EPHA7: variants seen among roughly 807,000 people sequenced by gnomAD.
EPHA7 encodes the protein EPH receptor A7.
EPHA7 carries 25 observed loss-of-function variants against 112.6 expected under a neutral mutation model. That is an observed-to-expected ratio of 0.22 (90% CI 0.16 to 0.31). The LOEUF is 0.31. Among genes scored for constraint, EPHA7 ranks in the 10% least tolerant of loss-of-function variants. EPHA7 has a pLI of 1.00. For missense variants in EPHA7, 962 were observed against 1,212.6 expected (o/e 0.79, Z 3.07); for synonymous variants, 437 against 406.5 (o/e 1.07, Z -0.90).
Position 93,416,876 on chromosome 6 carries a change from G to A in EPHA7, c.98-2109C>T, listed in dbSNP as rs920531635. ...AGGCTGGCGTCCCGGGGCTGGGGCG[G>A]GGCCGTCGGAGGGGCGGGGCGGGGG... On this transcript the variant is annotated intron_variant, in intron 1 of 16. Transcript: ENST00000369303. Among the ~76,000 whole-genome samples the A allele has an allele frequency of 3.9e-5, 6 of 152,052 alleles. 1 individual carries two copies. Among genetic ancestry groups the A allele is most frequent in the South Asian group, 4.1e-4 (2 of 4,828 alleles).
intron 4 of EPHA7, among the ~76,000 whole-genome samples, chr6:93,357,338 T>C (rs2127945421): frequency 6.6e-6 from 1 of 152,310 alleles, no homozygotes; most frequent in Non-Finnish European, 1.5e-5. Context: ...CCACAGTCTT[T>C]AACTATTTTT....
rs141811273 is a variant in EPHA7 at position 93,272,453 on chromosome 6, G to T, written c.1325-31C>A. 47 of 1,609,556 alleles carry T rather than the reference G, an allele frequency of 2.9e-5. No homozygotes were observed. The East Asian group carries it at 1.0e-3, about 36-fold the overall frequency. ...TGGACAAGATGTGTCAATAAACAATGAGAAAATTCACTGGATGCCTCAAAT... is the reference window on the plus strand; with the variant it reads ...TGGACAAGATGTGTCAATAAACAATTAGAAAATTCACTGGATGCCTCAAAT... On this transcript the variant is annotated intron_variant, in intron 5 of 16. Transcript: ENST00000369303.
At chr6:93,299,301 G>C (rs2127847420) in intron 5 of EPHA7, among the ~76,000 whole-genome samples, 1 of 151,366 alleles carries the variant, frequency 6.6e-6, no homozygotes, top group East Asian at 2.0e-4. Context: ...ACTCTAGCCT[G>C]GGCGACAGAG....
At position 93,257,526 on chromosome 6, in the gene EPHA7, A is replaced by G; in HGVS notation, c.2111-3T>C. On this transcript the variant is annotated splice_region_variant and splice_polypyrimidine_tract_variant and intron_variant, in intron 11 of 16. Coordinates refer to ENST00000369303, the MANE Select transcript of EPHA7 (RefSeq NM_004440.4). Reference sequence around the variant, plus strand: ...TATTACTATCATGACTGGTTTCCCTAAAATTAAAAAAAAAAAGTTTCAGGA... The same window carrying G: ...TATTACTATCATGACTGGTTTCCCTGAAATTAAAAAAAAAAAGTTTCAGGA... The G allele has an allele frequency of 6.2e-7, 1 of 1,604,636 alleles. No homozygotes were observed. The highest frequency in any genetic ancestry group is 1.1e-5 in the South Asian group (1 of 89,750).
At position 93,362,919 on chromosome 6, in the gene EPHA7, A is replaced by G. The variant is rs116767821; in HGVS notation, c.833-4508T>C. ...ATTTCTAAGGATCCCCCTTCCGACA[A>G]TCTTGTTGCTAGAAAATCCACCTAC... On this transcript the variant is annotated intron_variant, in intron 3 of 16. Coordinates refer to ENST00000369303, the MANE Select transcript of EPHA7 (RefSeq NM_004440.4). Among the ~76,000 whole-genome samples the G allele has an allele frequency of 2.2e-3, 331 of 152,220 alleles. 4 individuals are homozygous for G. Among genetic ancestry groups the G allele is most frequent in the African/African-American group, 7.7e-3 (320 of 41,548 alleles).
At chr6:93,413,304 T>C (rs1427104814) in intron 2 of EPHA7, among the ~76,000 whole-genome samples, 3 of 152,086 alleles carry the variant, frequency 2.0e-5, no homozygotes, top group Admixed American at 2.0e-4. Flanking sequence ...GTTAAGATAC[T>C]TTGGACTGAT....
chr6:93,272,524 G>C lies in EPHA7; in HGVS notation c.1325-102C>G, dbSNP rs1018723922. On this transcript the variant is annotated intron_variant, in intron 5 of 16. Coordinates refer to ENST00000369303, the MANE Select transcript of EPHA7 (RefSeq NM_004440.4). ...TCCCATGCTGTGCCAGTTTCATTAA[G>C]GTAAAAGAAAGCACCTTTTCATAGC... 6 of 1,439,846 alleles carry C rather than the reference G, an allele frequency of 4.2e-6. No homozygotes were observed. In the Admixed American group the frequency reaches 1.2e-4, roughly 28 times the overall value. The allele number at this position is 1,439,846 out of a possible 1,614,324, so 89.2% of individuals were successfully genotyped here. A position where few individuals can be genotyped will look rare whatever the true frequency, so the allele number is the denominator to read the frequency against.
chr6:93,245,520 A>G, intron 15 of EPHA7, 67 bp from the exon 16 acceptor site: 1 of 1,517,156 alleles, frequency 6.6e-7, no homozygotes, highest in South Asian at 1.2e-5. Flanking sequence ...GTTTTGGCCC[A>G]TATAAAATTA....
intron 5 of EPHA7, among the ~76,000 whole-genome samples, chr6:93,324,959 T>A (rs1291393267): frequency 1.3e-5 from 2 of 151,370 alleles, no homozygotes; most frequent in Non-Finnish European, 3.0e-5. Context: ...TTTTATTTTG[T>A]ACTTATTAAT....
At chr6:93,287,618 A>T (rs902820075) in intron 5 of EPHA7, among the ~76,000 whole-genome samples, 7 of 150,750 alleles carry the variant, frequency 4.6e-5, no homozygotes, top group Non-Finnish European at 5.9e-5. Context: ...TGTTGTACAG[A>T]TTATTTCATC....
intron 5 of EPHA7, among the ~76,000 whole-genome samples, chr6:93,354,205 C>G (rs1167286196): frequency 6.6e-6 from 1 of 152,020 alleles, no homozygotes; most frequent in African/African-American, 2.4e-5. Context: ...TAGTTTTGAA[C>G]TCGGACAAAG....
chr6:93,246,962 A>C lies in EPHA7; in HGVS notation c.2556T>G (p.Gly852=), dbSNP rs1391489781. Residue 852 remains glycine, a synonymous_variant, in exon 15 of 17, where the codon GGT becomes GGG. Coordinates refer to ENST00000369303, the MANE Select transcript of EPHA7 (RefSeq NM_004440.4). ...AGTCCATGGGTGCTGGTAAACGATA[A>C]CCTTCTTCTATTGCTTTTATAACCT... The part of the protein sequence containing the change: ...NQDVIKAIEE[G]YRLPAPMDCP... 1 of 1,596,772 alleles carries C rather than the reference A, an allele frequency of 6.3e-7. No homozygotes were observed. The highest frequency in any genetic ancestry group is 1.1e-5 in the South Asian group (1 of 89,844).
At position 93,306,923 on chromosome 6, in the gene EPHA7, C is replaced by T. The variant is rs553959200; in HGVS notation, c.1325-34501G>A. The stretch of plus-strand genomic sequence containing the variant: ...ATGAAGATGGATCAAATAAATTCTA[C>T]ATTTTAGTAGCAATTATAATTAATT... On this transcript the variant is annotated intron_variant, in intron 5 of 16. Transcript: ENST00000369303. Among the ~76,000 whole-genome samples the T allele has an allele frequency of 5.0e-3, 762 of 151,988 alleles. 10 individuals carry two copies. Among genetic ancestry groups the T allele is most frequent in the African/African-American group, 0.018 (734 of 41,516 alleles).
chr6:93,318,413 T>A (rs912836361), intron 5 of EPHA7, among the ~76,000 whole-genome samples: 5 of 152,030 alleles, frequency 3.3e-5, no homozygotes, highest in African/African-American at 7.2e-5. Flanking sequence ...ATTCATTGTA[T>A]CTAAGTGCAG....
intron 3 of EPHA7, among the ~76,000 whole-genome samples, chr6:93,385,473 C>A (rs1777552550): frequency 6.6e-6 from 1 of 151,938 alleles, no homozygotes. Flanking sequence ...GTCCAGATTG[C>A]ATTTTTTAAT....
chr6:93,299,831 G>A (rs558699940), intron 5 of EPHA7, among the ~76,000 whole-genome samples: 4 of 152,324 alleles, frequency 2.6e-5, no homozygotes, highest in Admixed American at 2.6e-4. Flanking sequence ...CAGGAACTTG[G>A]ATGGAGCTGG....
At chr6:93,254,534 T>G (rs1770351910) in intron 14 of EPHA7, 113 bp downstream of exon 14, 9 of 743,158 alleles carry the variant, frequency 1.2e-5, no homozygotes, top group Non-Finnish European at 1.8e-5. Context: ...TGTGGAAAAC[T>G]GTATTTTTAT....
chr6:93,414,741 G>C lies in EPHA7; in HGVS notation c.124C>G (p.Gln42Glu). 2 of 1,612,584 alleles carry C rather than the reference G, an allele frequency of 1.2e-6. No homozygotes were observed. The highest frequency in any genetic ancestry group is 1.7e-6 in the Non-Finnish European group (2 of 1,179,082). The change falls in exon 2 of 17, where the codon CAA becomes GAA. Residue 42 changes from glutamine to glutamate, a missense_variant. This residue lies in a region of EPHA7 where 56 missense variants were observed against 59.9 expected (regional missense o/e 0.94). Coordinates refer to ENST00000369303, the MANE Select transcript of EPHA7 (RefSeq NM_004440.4). ...EVLLLDSKAQ[Q>E]TELEWISSPP... ...GAGGAAATCCACTCCAACTCTGTTT[G>C]TTGTGCTTTAGAATCCAGCAGTAGT...
chr6:93,332,056 T>C (rs1161633754), intron 5 of EPHA7, among the ~76,000 whole-genome samples: 1 of 151,644 alleles, frequency 6.6e-6, no homozygotes, highest in Non-Finnish European at 1.5e-5. Flanking sequence ...TTCACTGATA[T>C]CACGGGAAAC....
Sources: gnomAD v4.1 joint callset for allele counts (sites outside exome capture counted in the v4.1 genomes callset) on GRCh38, gnomAD v4.1.1 for gene constraint, gnomAD v4.1.1 regional missense constraint, MANE v1.5 for transcripts, NCBI Gene and HGNC (gene_info 2026-07-23, HGNC 2026-07-21) for gene names.